Variants in BPIFC observed in about 807,000 individuals in gnomAD.
The protein encoded by BPIFC is BPI fold containing family C.
A neutral mutation model predicts 57.6 loss-of-function variants in BPIFC; 60 were observed. The ratio of observed to expected loss-of-function variants is 1.04; its 90% confidence interval spans 0.85 to 1.29. The LOEUF (loss-of-function observed/expected upper bound fraction) is 1.29, where lower values mean the gene tolerates loss of function less well. Among genes scored for constraint, BPIFC ranks in the 50% most tolerant of loss-of-function variants. The pLI, the probability that BPIFC is intolerant of heterozygous loss-of-function variation, is 0.00. For missense variants in BPIFC, 581 were observed against 600.5 expected (o/e 0.97, Z 0.34); for synonymous variants, 243 against 224.5 (o/e 1.08, Z -0.74).
At chr22:32,450,832 A>G (rs190268739) in intron 4 of BPIFC, among the ~76,000 whole-genome samples, 1 of 152,316 alleles carries the variant, frequency 6.6e-6, no homozygotes, top group East Asian at 1.9e-4. Context: ...AAAATTCAAA[A>G]CAATTAAAAA....
intron 4 of BPIFC, among the ~76,000 whole-genome samples, chr22:32,451,195 A>G (rs918479662): frequency 2.0e-5 from 3 of 152,192 alleles, no homozygotes; most frequent in Non-Finnish European, 4.4e-5. Flanking sequence ...CCTACAAAGG[A>G]CATGAACTCA....
chr22:32,428,316 C>T (rs1320798974), intron 13 of BPIFC, among the ~76,000 whole-genome samples: 1 of 151,566 alleles, frequency 6.6e-6, no homozygotes, highest in Admixed American at 6.6e-5. Context: ...GGGTCTTGCT[C>T]TGTCGCCCAG....
intron 4 of BPIFC, among the ~76,000 whole-genome samples, chr22:32,452,155 G>A (rs2145960443): frequency 6.6e-6 from 1 of 152,246 alleles, no homozygotes; most frequent in South Asian, 2.1e-4. Flanking sequence ...TCCCACCTCG[G>A]CCTCCCAAAG....
intron 14 of BPIFC, among the ~76,000 whole-genome samples, chr22:32,417,487 C>T (rs936075447): frequency 7.2e-5 from 11 of 152,130 alleles, no homozygotes; most frequent in South Asian, 2.1e-4. Flanking sequence ...ATGGGTGCTT[C>T]GAAAGTACCA....
chr22:32,420,919 T>G (rs1331242019), intron 13 of BPIFC, among the ~76,000 whole-genome samples: 2 of 152,206 alleles, frequency 1.3e-5, no homozygotes, highest in Non-Finnish European at 2.9e-5. Flanking sequence ...ATGATGCACA[T>G]AAAATGCTTA....
intron 13 of BPIFC, among the ~76,000 whole-genome samples, chr22:32,426,658 G>A (rs1039364654): frequency 3.2e-4 from 49 of 152,142 alleles, no homozygotes; most frequent in Non-Finnish European, 5.1e-4. Context: ...TTGGGAGGCC[G>A]AGGCGGGTGG....
chr22:32,460,917 A>G (rs1026983994), intron 2 of BPIFC, among the ~76,000 whole-genome samples: 9 of 152,228 alleles, frequency 5.9e-5, no homozygotes, highest in African/African-American at 2.2e-4. Flanking sequence ...TGTTGGTAGA[A>G]TGAATCAATG....
rs114342410 is a variant in BPIFC at position 32,463,945 on chromosome 22, C to A, written c.-89+429G>T. On this transcript the variant is annotated intron_variant, in intron 1 of 16. Coordinates refer to ENST00000300399, the MANE Select transcript of BPIFC (RefSeq NM_174932.3). ...TCTAGGTCACTGATGTGCTTTAAGA[C>A]CTGCCTTGAAAGCACAGAGATTATA... is the stretch of plus-strand genomic sequence containing the variant. 2.7e-3 allele frequency among the ~76,000 whole-genome samples: 414 copies of A among 152,228 alleles called. 1 individual carries two copies. Among genetic ancestry groups the A allele is most frequent in the African/African-American group, 9.5e-3 (393 of 41,554 alleles).
intron 2 of BPIFC, among the ~76,000 whole-genome samples, chr22:32,460,243 G>A (rs1935133974): frequency 6.6e-6 from 1 of 152,178 alleles, no homozygotes; most frequent in African/African-American, 2.4e-5. Flanking sequence ...CCAGCCTCTT[G>A]GCACAAAGTG....
intron 12 of BPIFC, 50 bp downstream of exon 12, chr22:32,432,323 A>G (rs761458287): frequency 4.4e-6 from 7 of 1,587,916 alleles, no homozygotes; most frequent in Non-Finnish European, 6.0e-6. Flanking sequence ...AGTCCACAGC[A>G]GGAGCAGGAT....
At chr22:32,435,964 C>G in intron 9 of BPIFC, 84 bp from the exon 10 acceptor site, 1 of 1,452,416 alleles carries the variant, frequency 6.9e-7, no homozygotes, top group Non-Finnish European at 9.3e-7. Context: ...CCTCTGAAGT[C>G]AGAATAAGAA....
chr22:32,445,320 G>A (rs916090889), intron 7 of BPIFC, among the ~76,000 whole-genome samples: 6 of 152,044 alleles, frequency 3.9e-5, no homozygotes, highest in Admixed American at 2.0e-4. Flanking sequence ...CGCGGATCAC[G>A]AGTTCAGGAG....
chr22:32,428,584 TAAAC>T lies in BPIFC; in HGVS notation c.1217+2759_1217+2762del, dbSNP rs935552875. ...TTCTTTCTGGGAAACCATACTACTTTAAACAAACAAACAAACAAACAAAACATTG... is the reference window on the plus strand; with the variant it reads ...TTCTTTCTGGGAAACCATACTACTTTAAACAAACAAACAAACAAAACATTG... On this transcript the variant is annotated intron_variant, in intron 13 of 16. Transcript: ENST00000300399. Among the ~76,000 whole-genome samples, 20 of 150,826 alleles carry T rather than the reference TAAAC, an allele frequency of 1.3e-4. 1 individual carries two copies. The East Asian group carries it at 2.0e-3, about 15-fold the overall frequency.
chr22:32,428,001 C>A (rs747911041), intron 13 of BPIFC, among the ~76,000 whole-genome samples: 1 of 151,864 alleles, frequency 6.6e-6, no homozygotes, highest in Non-Finnish European at 1.5e-5. Context: ...CAAAACAGAA[C>A]AAAACAAAAC....
At chr22:32,425,548 G>A (rs1420194457) in intron 13 of BPIFC, among the ~76,000 whole-genome samples, 1 of 152,234 alleles carries the variant, frequency 6.6e-6, no homozygotes, top group East Asian at 1.9e-4. Flanking sequence ...TGTCCTGGCT[G>A]AGGCTATCTC....
chr22:32,461,193 G>C (rs1239227854), intron 2 of BPIFC, among the ~76,000 whole-genome samples: 2 of 152,150 alleles, frequency 1.3e-5, no homozygotes, highest in African/African-American at 4.8e-5. Flanking sequence ...CTTACCCTTA[G>C]CTATTAAGGC....
At chr22:32,447,434 T>G in intron 4 of BPIFC, 94 bp from the exon 5 acceptor site, 4 of 1,445,708 alleles carry the variant, frequency 2.8e-6, no homozygotes, top group Non-Finnish European at 3.7e-6. Context: ...CTCTTACCAT[T>G]GAGGCCATTG....
chr22:32,463,899 G>A (rs1162447825), intron 1 of BPIFC, among the ~76,000 whole-genome samples: 2 of 152,104 alleles, frequency 1.3e-5, no homozygotes, highest in Non-Finnish European at 2.9e-5. Flanking sequence ...CAAGTGGGTG[G>A]CTAGTTTTGC....
intron 2 of BPIFC, 115 bp downstream of exon 2, chr22:32,461,459 G>T: frequency 2.3e-6 from 1 of 437,218 alleles, no homozygotes; most frequent in Non-Finnish European, 3.0e-6. Context: ...AGCAATGAGT[G>T]ATCTGAAGGT....
Sources: gnomAD v4.1 joint callset for allele counts (sites outside exome capture counted in the v4.1 genomes callset) on GRCh38, gnomAD v4.1.1 for gene constraint, MANE v1.5 for transcripts, NCBI Gene and HGNC (gene_info 2026-07-23, HGNC 2026-07-21) for gene names.